C8orf74: variants seen among roughly 807,000 people sequenced by gnomAD.
C8orf74 encodes the protein chromosome 8 open reading frame 74.
In C8orf74, 29 loss-of-function variants were observed where a neutral mutation model predicts 22.2. The ratio of observed to expected loss-of-function variants is 1.31; its 90% confidence interval spans 0.97 to 1.78. The LOEUF (loss-of-function observed/expected upper bound fraction) is 1.78, where lower values mean the gene tolerates loss of function less well. C8orf74 is among the 40% of genes most tolerant of loss of function. The pLI is 0.00. For missense variants in C8orf74, 515 were observed against 369.9 expected, an observed-to-expected ratio of 1.39 and a Z score of -3.22; for synonymous variants, 255 against 163.1, an observed-to-expected ratio of 1.56 and a Z score of -4.30.
Position 10,700,523 on chromosome 8 carries a change from T to C in C8orf74, c.*52T>C. ...ACTGGGGACCAGCCACCCATAACCA[T>C]GAGCCTTGCGGCACGGTGAGCTCAG... On this transcript the variant is annotated 3_prime_UTR_variant, in exon 4 of 4. Coordinates refer to ENST00000304519, the MANE Select transcript of C8orf74 (RefSeq NM_001040032.2). The C allele has an allele frequency of 8.1e-7, 1 of 1,228,774 alleles. No homozygotes were observed. Among genetic ancestry groups the C allele is most frequent in the Non-Finnish European group, 1.1e-6 (1 of 888,940 alleles). The allele number at this position is 1,228,774 out of a possible 1,614,324, so 76.1% of individuals were successfully genotyped here. A position where few individuals can be genotyped will look rare whatever the true frequency, so the allele number is the denominator to read the frequency against.
At chr8:10,693,569 C>T (rs576761991) in intron 2 of C8orf74, among the ~76,000 whole-genome samples, 6 of 152,214 alleles carry the variant, frequency 3.9e-5, no homozygotes, top group Non-Finnish European at 8.8e-5. Context: ...CCCTCCTGTA[C>T]ACAAATCCCA....
At chr8:10,689,297 G>T (rs928562280) in intron 2 of C8orf74, 5 of 152,208 alleles carry the variant, frequency 3.3e-5, no homozygotes, top group African/African-American at 1.2e-4. Context: ...CCCATTTGTA[G>T]AGAAAAACGA....
At chr8:10,694,165 A>G (rs1586049927) in intron 2 of C8orf74, among the ~76,000 whole-genome samples, 1 of 152,080 alleles carries the variant, frequency 6.6e-6, no homozygotes, top group Admixed American at 6.5e-5. Context: ...CACTGTCATT[A>G]TCTGCTTGTG....
chr8:10,681,781 A>T (rs2129056856), intron 2 of C8orf74, among the ~76,000 whole-genome samples: 1 of 152,330 alleles, frequency 6.6e-6, no homozygotes, highest in Admixed American at 6.5e-5. Context: ...CGCCAATCCC[A>T]GGCCTGGCAG....
chr8:10,680,910 A>G (rs4311629), intron 2 of C8orf74, among the ~76,000 whole-genome samples: 152,079 of 152,264 alleles, frequency 1, 75,952 homozygotes, highest in Middle Eastern at 1. Flanking sequence ...CAGGCAGCCC[A>G]GGCAGGAGCG....
chr8:10,696,532 C>T (rs1451754398), intron 2 of C8orf74, among the ~76,000 whole-genome samples: 1 of 149,118 alleles, frequency 6.7e-6, no homozygotes, highest in Non-Finnish European at 1.5e-5. Flanking sequence ...ACTGCAACCT[C>T]CACCTCCTGG....
At chr8:10,675,856 CA>C (rs1273157235) in intron 2 of C8orf74, 1 of 152,196 alleles carries the variant, frequency 6.6e-6, no homozygotes, top group African/African-American at 2.4e-5. Flanking sequence ...TAAACCTTTC[CA>C]AACTGAAAGA....
rs919983830 is a variant in C8orf74 at position 10,697,453 on chromosome 8, A to T, written c.242-146A>T. On this transcript the variant is annotated intron_variant, in intron 2 of 3. Transcript: ENST00000304519. ...GTGAGAGTTAGACCCCGTCTCAAAA[A>T]AAATAAATAGAAATAAATATTTTTT... 8 of 668,620 alleles carry T rather than the reference A, an allele frequency of 1.2e-5. No individual in the cohort carries two copies. The Middle Eastern group carries it at 1.3e-3, about 105-fold the overall frequency. The allele number at this position is 668,620 out of a possible 1,614,324, so 41.4% of individuals were successfully genotyped here.
At chr8:10,690,378 G>C (rs1799350750) in intron 2 of C8orf74, among the ~76,000 whole-genome samples, 1 of 152,242 alleles carries the variant, frequency 6.6e-6, no homozygotes, top group South Asian at 2.1e-4. Flanking sequence ...AAGGAGTTTA[G>C]TAGTCTCCCC....
intron 2 of C8orf74, chr8:10,680,106 G>C (rs1343646646): frequency 2.0e-5 from 3 of 152,298 alleles, no homozygotes; most frequent in Non-Finnish European, 2.9e-5. Flanking sequence ...TGCCCATGGA[G>C]ACAGAGAGTT....
chr8:10,680,151 C>T (rs1033732268), intron 2 of C8orf74, among the ~76,000 whole-genome samples: 1 of 152,214 alleles, frequency 6.6e-6, no homozygotes, highest in Non-Finnish European at 1.5e-5. Context: ...GCTGGTCTTG[C>T]CCCAGTGACG....
intron 2 of C8orf74, among the ~76,000 whole-genome samples, chr8:10,683,587 G>A (rs929211116): frequency 1.3e-5 from 2 of 152,192 alleles, no homozygotes; most frequent in Non-Finnish European, 2.9e-5. Context: ...CCCCAAGTCA[G>A]GGCTCCCCTC....
intron 2 of C8orf74, among the ~76,000 whole-genome samples, chr8:10,694,829 T>C (rs1799455114): frequency 6.6e-6 from 1 of 152,052 alleles, no homozygotes; most frequent in African/African-American, 2.4e-5. Context: ...AATAGGTGAA[T>C]GGATAAACAA....
intron 2 of C8orf74, among the ~76,000 whole-genome samples, chr8:10,677,342 T>A (rs1387297872): frequency 6.6e-6 from 1 of 152,210 alleles, no homozygotes; most frequent in Non-Finnish European, 1.5e-5. Flanking sequence ...ACTAAGTACA[T>A]CTTTCCATTT....
Position 10,697,699 on chromosome 8 carries a change from C to CTGT in C8orf74, c.342_343insTGT (p.Phe114_His115insCys). On this transcript the variant is annotated inframe_insertion, in exon 3 of 4. Transcript: ENST00000304519. ...ACCTGCTGGCCCTCTGTGACTACTTCCACCACACCTTCATCCGCCACTACA... is the reference window on the plus strand; with the variant it reads ...ACCTGCTGGCCCTCTGTGACTACTTCTGTCACCACACCTTCATCCGCCACTACA... 6.2e-7 allele frequency: 1 copy of CTGT among 1,614,024 alleles called. No homozygotes were observed. Among genetic ancestry groups the CTGT allele is most frequent in the South Asian group, 1.1e-5 (1 of 91,084 alleles).
In C8orf74 at chr8:10,700,387, C is replaced by T; in HGVS notation, c.801C>T (p.Pro267=). The part of the protein sequence containing the change: ...LNLNAPTPIP[P]PITSHAGQEE... ...TCAACGCCCCCACCCCTATCCCGCC[C>T]CCCATCACCAGCCACGCAGGCCAGG... The change falls in exon 4 of 4, where the codon CCC becomes CCT. Residue 267 remains proline, a synonymous_variant. Transcript: ENST00000304519. The T allele has an allele frequency of 1.9e-6, 3 of 1,613,174 alleles. No homozygotes were observed. The highest frequency in any genetic ancestry group is 2.2e-5 in the East Asian group (1 of 44,852).
Position 10,700,446 on chromosome 8 carries a change from G to C in C8orf74, c.860G>C (p.Gly287Ala). 6.3e-7 allele frequency: 1 copy of C among 1,596,782 alleles called. No homozygotes were observed. The highest frequency in any genetic ancestry group is 2.3e-5 in the East Asian group (1 of 44,428). ...EALKPQRASK[G>A]KKAKARK The stretch of plus-strand genomic sequence containing the variant: ...CTGAAGCCCCAAAGAGCGAGCAAAG[G>C]AAAGAAAGCGAAGGCAAGGAAGTAG... Residue 287 changes from glycine (G) to alanine (A), a missense_variant, in exon 4 of 4, where the codon GGA (glycine) becomes GCA (alanine). By Grantham distance (60) the Gly-to-Ala change is moderately conservative. Coordinates refer to ENST00000304519, the MANE Select transcript of C8orf74 (RefSeq NM_001040032.2).
chr8:10,698,902 C>A (rs1340115358), intron 3 of C8orf74, among the ~76,000 whole-genome samples: 7 of 2,188 alleles, frequency 3.2e-3, no homozygotes, highest in Non-Finnish European at 7.5e-3. Flanking sequence ...ACACACACAC[C>A]ACACACACAC....
chr8:10,683,855 G>C (rs181564492), intron 2 of C8orf74, among the ~76,000 whole-genome samples: 2 of 152,334 alleles, frequency 1.3e-5, no homozygotes, highest in East Asian at 1.9e-4. Context: ...TACTCTGCCA[G>C]TGAGCGGCCG....
Sources: allele counts gnomAD v4.1 joint callset (sites outside exome capture counted in the v4.1 genomes callset), GRCh38; gene constraint gnomAD v4.1.1; transcripts MANE v1.5; gene names NCBI Gene and HGNC (gene_info 2026-07-23, HGNC 2026-07-21).